The following SP100 variants were observed in gnomAD, a reference collection of about 807,000 sequenced individuals.
The protein encoded by SP100 is nuclear autoantigen Sp-100.
Under a neutral mutation model 130.0 loss-of-function variants are expected in SP100, and 84 were observed. That is an observed-to-expected ratio of 0.65 (90% confidence interval 0.54 to 0.77). The LOEUF is 0.77. SP100 is among the 30% of genes least tolerant of loss of function. The probability of loss-of-function intolerance (pLI) is 0.00; values close to 1 mark genes in which losing one functional copy is unlikely to be tolerated. For missense variants in SP100, 978 were observed against 1,052.2 expected (o/e 0.93, Z 0.97); for synonymous variants, 331 against 351.7 (o/e 0.94, Z 0.66).
intron 6 of SP100, 61 bp downstream of exon 6, chr2:230,449,211 T>C: frequency 6.5e-7 from 1 of 1,535,622 alleles, no homozygotes. Context: ...TGGAATGTGC[T>C]GTGGGGTTGC....
At chr2:230,470,350 A>G in intron 15 of SP100, 1 of 1,138,136 alleles carries the variant, frequency 8.8e-7, no homozygotes, top group South Asian at 3.0e-5. Flanking sequence ...ATAAATAGCA[A>G]ATTTGTGGTA....
At chr2:230,500,857 A>C (rs2066981944) in intron 19 of SP100, among the ~76,000 whole-genome samples, 1 of 152,156 alleles carries the variant, frequency 6.6e-6, no homozygotes, top group Non-Finnish European at 1.5e-5. Context: ...ATCTAGAGCA[A>C]TTTTACCTGA....
intron 17 of SP100, among the ~76,000 whole-genome samples, chr2:230,485,655 T>C (rs545249412): frequency 6.6e-6 from 1 of 152,328 alleles, no homozygotes; most frequent in African/African-American, 2.4e-5. Flanking sequence ...TATTGATGTA[T>C]ACTGAATATA....
chr2:230,482,464 A>G (rs1415936625), intron 17 of SP100, among the ~76,000 whole-genome samples: 2 of 152,304 alleles, frequency 1.3e-5, no homozygotes, highest in East Asian at 3.9e-4. Context: ...GATCACTTGA[A>G]AAATAAACCT....
At chr2:230,527,448 C>A (rs1691483165) in intron 24 of SP100, among the ~76,000 whole-genome samples, 1 of 152,190 alleles carries the variant, frequency 6.6e-6, no homozygotes, top group Non-Finnish European at 1.5e-5. Context: ...AAAGGAACAA[C>A]CAGTACCAGC....
intron 17 of SP100, among the ~76,000 whole-genome samples, chr2:230,477,066 T>C (rs879542273): frequency 2.6e-5 from 4 of 152,008 alleles, no homozygotes; most frequent in African/African-American, 4.8e-5. Context: ...GGTGTTTCAC[T>C]GTGTTAGCCA....
At chr2:230,456,030 T>C (rs1325573489) in intron 8 of SP100, among the ~76,000 whole-genome samples, 2 of 152,210 alleles carry the variant, frequency 1.3e-5, no homozygotes, top group Admixed American at 6.5e-5. Flanking sequence ...CTTTCTTATA[T>C]TTTTATATTA....
Position 230,443,110 on chromosome 2 carries a change from T to C in SP100, c.270+11T>C. ...AATAAAATGTTTGAAGTAAGTAAAG[T>C]TTATTATGTCACAATCTGGTAAAGC... On this transcript the variant is annotated intron_variant, in intron 3 of 28. Transcript: ENST00000340126. 6.2e-7 allele frequency: 1 copy of C among 1,613,076 alleles called. No individual in the cohort carries two copies. The highest frequency in any genetic ancestry group is 8.5e-7 in the Non-Finnish European group (1 of 1,179,296).
intron 2 of SP100, among the ~76,000 whole-genome samples, chr2:230,419,299 A>C (rs1333144367): frequency 6.6e-6 from 1 of 152,222 alleles, no homozygotes; most frequent in Non-Finnish European, 1.5e-5. Flanking sequence ...GAGGAGTGTG[A>C]TGAAATCTCA....
At chr2:230,468,970 C>T (rs572380731) in intron 13 of SP100, 73 bp from the exon 14 acceptor site, 8 of 880,752 alleles carry the variant, frequency 9.1e-6, no homozygotes, top group Non-Finnish European at 1.4e-5. Context: ...ATTCTGTCAA[C>T]AGTGTAAGCA....
At chr2:230,460,594 T>TGATCAAAGTGATTTACTTCCTTCGTGA (rs1559500305) in intron 8 of SP100, among the ~76,000 whole-genome samples, 4 of 7,412 alleles carry the variant, frequency 5.4e-4, no homozygotes, top group Admixed American at 1.7e-3. Context: ...ATCTGTTTCT[T>TGATCAAAGTGATTTACTTCCTTCGTGA]TTTTTTTTTT....
chr2:230,436,265 C>T (rs1423338845), intron 2 of SP100, among the ~76,000 whole-genome samples: 2 of 151,840 alleles, frequency 1.3e-5, no homozygotes, highest in African/African-American at 2.4e-5. Context: ...CAATGTATGT[C>T]GTTCCAAATA....
At chr2:230,449,248 T>A in intron 6 of SP100, 98 bp downstream of exon 6, 1 of 1,241,574 alleles carries the variant, frequency 8.1e-7, no homozygotes, top group Non-Finnish European at 1.2e-6. Context: ...TTGTCCAGAA[T>A]TTTCAGGTTT....
At chr2:230,491,235 C>G (rs1348259280) in intron 17 of SP100, among the ~76,000 whole-genome samples, 1 of 152,204 alleles carries the variant, frequency 6.6e-6, no homozygotes, top group South Asian at 2.1e-4. Flanking sequence ...ACCCAGTTGT[C>G]TGGGCTGCAC....
At chr2:230,418,570 G>C (rs2149851632) in intron 2 of SP100, among the ~76,000 whole-genome samples, 2 of 151,748 alleles carry the variant, frequency 1.3e-5, no homozygotes, top group African/African-American at 4.8e-5. Flanking sequence ...CGTTTGCTTA[G>C]TCATAATCTG....
chr2:230,464,288 A>G, intron 11 of SP100, 138 bp downstream of exon 11: 1 of 621,610 alleles, frequency 1.6e-6, no homozygotes. Context: ...CACTTTCTAC[A>G]TTTAACCTCT....
chr2:230,476,132 T>C (rs184032704), intron 17 of SP100, among the ~76,000 whole-genome samples: 1 of 152,346 alleles, frequency 6.6e-6, no homozygotes, highest in Admixed American at 6.5e-5. Flanking sequence ...TTAAACAGTA[T>C]AGTCATTCAA....
chr2:230,428,364 A>G (rs2062998990), intron 2 of SP100, among the ~76,000 whole-genome samples: 1 of 152,114 alleles, frequency 6.6e-6, no homozygotes, highest in Admixed American at 6.5e-5. Context: ...ACTTACAATC[A>G]TGGTGGAAGG....
At chr2:230,474,281 A>T in intron 16 of SP100, 113 bp from the exon 17 acceptor site, 1 of 653,178 alleles carries the variant, frequency 1.5e-6, no homozygotes, top group South Asian at 1.9e-5. Context: ...CAGATAAATT[A>T]TACTCAGAAT....
Sources: gnomAD v4.1 joint callset for allele counts (sites outside exome capture counted in the v4.1 genomes callset) on GRCh38, gnomAD v4.1.1 for gene constraint, MANE v1.5 for transcripts, NCBI Gene and HGNC (gene_info 2026-07-23, HGNC 2026-07-21) for gene names.